WWOX: variants seen among roughly 807,000 people sequenced by gnomAD.
WWOX encodes the protein WW domain containing oxidoreductase, also known as WW domain-containing oxidoreductase.
Under a neutral mutation model 46.2 loss-of-function variants are expected in WWOX, and 69 were observed. The ratio of observed to expected loss-of-function variants is 1.49; its 90% CI spans 1.23 to 1.82. The LOEUF (loss-of-function observed/expected upper bound fraction) is 1.82. Among genes scored for constraint, WWOX ranks in the 40% most tolerant of loss-of-function variants. The pLI is 0.00. For missense variants in WWOX, 919 were observed against 542.6 expected (o/e 1.69, Z -6.89); for synonymous variants, 359 against 202.6 (o/e 1.77, Z -6.56).
At chr16:78,623,628 G>T (rs897737110) in intron 8 of WWOX, among the ~76,000 whole-genome samples, 1 of 151,842 alleles carries the variant, frequency 6.6e-6, no homozygotes, top group African/African-American at 2.4e-5. Context: ...TGCAGTGAGT[G>T]CGGTGGCAGC....
intron 8 of WWOX, among the ~76,000 whole-genome samples, chr16:78,660,269 T>C (rs1164412506): frequency 7.9e-5 from 12 of 152,170 alleles, no homozygotes; most frequent in Admixed American, 7.9e-4. Flanking sequence ...CTGGCCACTG[T>C]GAGCCCATCA....
chr16:78,215,488 G>A (rs72806832), intron 5 of WWOX, among the ~76,000 whole-genome samples: 8,773 of 152,218 alleles, frequency 0.058, 332 homozygotes, highest in Non-Finnish European at 0.077. Flanking sequence ...GCTGCTTTGC[G>A]AAGAAGGTGC....
chr16:78,814,585 C>G (rs187364944), intron 8 of WWOX, among the ~76,000 whole-genome samples: 2 of 152,128 alleles, frequency 1.3e-5, no homozygotes, highest in Non-Finnish European at 2.9e-5. Context: ...CTTTTCCAAC[C>G]TATCCAATTT....
chr16:79,132,736 G>C (rs991337399), intron 8 of WWOX, among the ~76,000 whole-genome samples: 2 of 152,068 alleles, frequency 1.3e-5, no homozygotes, highest in Non-Finnish European at 2.9e-5. Flanking sequence ...AAAAAGTTAA[G>C]CACACTCAAG....
chr16:78,546,290 G>C (rs2044029900), intron 8 of WWOX, among the ~76,000 whole-genome samples: 1 of 152,136 alleles, frequency 6.6e-6, no homozygotes, highest in Non-Finnish European at 1.5e-5. Flanking sequence ...GAACAGAAGG[G>C]GGTCAGGCAG....
At chr16:79,074,256 C>T (rs1019313172) in intron 8 of WWOX, among the ~76,000 whole-genome samples, 1 of 151,844 alleles carries the variant, frequency 6.6e-6, no homozygotes, top group Non-Finnish European at 1.5e-5. Context: ...AATAAATCAT[C>T]CAGCCCCAAA....
intron 8 of WWOX, among the ~76,000 whole-genome samples, chr16:79,158,713 A>C (rs1024803524): frequency 6.6e-5 from 10 of 152,202 alleles, no homozygotes; most frequent in Non-Finnish European, 1.0e-4. Context: ...ATCTCAGATT[A>C]ATTGTCGCCT....
chr16:79,111,889 G>T (rs2049423818), intron 8 of WWOX, among the ~76,000 whole-genome samples: 1 of 152,148 alleles, frequency 6.6e-6, no homozygotes, highest in African/African-American at 2.4e-5. Context: ...CAGTCCTCAA[G>T]CTTTGAGGGT....
chr16:78,402,375 T>C lies in WWOX; in HGVS notation c.605+15427T>C, dbSNP rs556904222. 4.6e-5 allele frequency among the ~76,000 whole-genome samples: 7 copies of C among 152,370 alleles called. No individual in the cohort carries two copies. The South Asian group carries it at 1.2e-3, about 27-fold the overall frequency. The stretch of plus-strand genomic sequence containing the variant: ...GATGTGCCATATTTGTTTATCTGGT[T>C]GTCAGTCGGATATTTCTGTTGTTCC... On this transcript the variant is annotated intron_variant, in intron 6 of 8. Transcript: ENST00000566780.
chr16:78,368,237 A>C (rs531305515), intron 5 of WWOX, among the ~76,000 whole-genome samples: 12 of 152,328 alleles, frequency 7.9e-5, no homozygotes, highest in Non-Finnish European at 1.0e-4. Flanking sequence ...TTCAATTAAC[A>C]TGAGTGGAAT....
At chr16:78,374,515 T>C (rs552144547) in intron 5 of WWOX, among the ~76,000 whole-genome samples, 4 of 149,838 alleles carry the variant, frequency 2.7e-5, no homozygotes, top group Admixed American at 2.7e-4. Context: ...TCCTCAACTT[T>C]TTCTGTCTTG....
At chr16:79,038,606 A>G (rs951362368) in intron 8 of WWOX, among the ~76,000 whole-genome samples, 23 of 152,222 alleles carry the variant, frequency 1.5e-4, no homozygotes, top group Admixed American at 4.6e-4. Context: ...CTGGAGTGCA[A>G]TGGTGCAATC....
intron 8 of WWOX, among the ~76,000 whole-genome samples, chr16:78,716,083 A>G (rs1051138526): frequency 2.0e-5 from 3 of 152,146 alleles, no homozygotes; most frequent in African/African-American, 4.8e-5. Context: ...AAAAAATCAG[A>G]CAGTCACATT....
intron 8 of WWOX, among the ~76,000 whole-genome samples, chr16:78,817,989 G>C (rs761958560): frequency 6.6e-6 from 1 of 152,162 alleles, no homozygotes; most frequent in Admixed American, 6.5e-5. Context: ...GGAAGAAAAC[G>C]AAGATGGAGT....
chr16:78,710,500 T>TATATATATATATATA (rs1567507587), intron 8 of WWOX, among the ~76,000 whole-genome samples: 19 of 68,572 alleles, frequency 2.8e-4, no homozygotes, highest in Admixed American at 4.9e-4. Context: ...ATATATATAT[T>TATATATATATATATA]TATATAAATA....
intron 8 of WWOX, among the ~76,000 whole-genome samples, chr16:78,737,311 T>A (rs1041781077): frequency 1.3e-5 from 2 of 151,520 alleles, no homozygotes; most frequent in South Asian, 2.1e-4. Flanking sequence ...ATATATATAT[T>A]TTTTAGTACA....
intron 5 of WWOX, among the ~76,000 whole-genome samples, chr16:78,284,157 A>C (rs1369817292): frequency 6.6e-6 from 1 of 152,164 alleles, no homozygotes; most frequent in African/African-American, 2.4e-5. Context: ...TTGTAGGGTC[A>C]CTGGTTTAAG....
chr16:79,162,880 G>A (rs1228706575), intron 8 of WWOX, among the ~76,000 whole-genome samples: 1 of 152,176 alleles, frequency 6.6e-6, no homozygotes, highest in Non-Finnish European at 1.5e-5. Flanking sequence ...CAAAGGTGTT[G>A]CTCTCTGCCT....
chr16:78,692,277 C>T (rs1476351767), intron 8 of WWOX, among the ~76,000 whole-genome samples: 1 of 152,150 alleles, frequency 6.6e-6, no homozygotes, highest in East Asian at 1.9e-4. Flanking sequence ...GGAAGAGAAG[C>T]AACAACTTTT....
Sources: gnomAD v4.1 joint callset for allele counts (sites outside exome capture counted in the v4.1 genomes callset) on GRCh38, gnomAD v4.1.1 for gene constraint, MANE v1.5 for transcripts, NCBI Gene and HGNC (gene_info 2026-07-23, HGNC 2026-07-21) for gene names.